TNR: variants seen among roughly 807,000 people sequenced by gnomAD.
TNR encodes the protein tenascin R.
In TNR, 45 loss-of-function variants were observed where a neutral mutation model predicts 150.4. The ratio of observed to expected loss-of-function variants is 0.30; its 90% CI spans 0.24 to 0.38. TNR has a LOEUF of 0.38. Among genes scored for constraint, TNR ranks in the 10% least tolerant of loss-of-function variants. The probability of loss-of-function intolerance (pLI) is 1.00; values close to 1 mark genes in which losing one functional copy is unlikely to be tolerated. For missense variants in TNR, 1,544 were observed against 1,759.1 expected, an observed-to-expected ratio of 0.88 and a Z score of 2.19; for synonymous variants, 687 against 678.4, an observed-to-expected ratio of 1.01 and a Z score of -0.20.
chr1:175,341,547 G>T (rs1423599918), intron 18 of TNR, among the ~76,000 whole-genome samples: 3 of 152,208 alleles, frequency 2.0e-5, no homozygotes, highest in African/African-American at 4.8e-5. Context: ...GTGGAGTGGA[G>T]CAAGCTACAT....
chr1:175,539,843 C>A (rs1047653033), intron 1 of TNR, among the ~76,000 whole-genome samples: 1 of 152,054 alleles, frequency 6.6e-6, no homozygotes, highest in Non-Finnish European at 1.5e-5. Context: ...GCATTTTAAA[C>A]CAAATCATAA....
chr1:175,743,115 A>C (rs2101964720), intron 1 of TNR, 111 bp downstream of exon 1: 1 of 152,328 alleles, frequency 6.6e-6, no homozygotes, highest in African/African-American at 2.4e-5. Flanking sequence ...CTAGTGCCAA[A>C]TGCCTTGCAG....
chr1:175,454,473 CATTT>C (rs757542632), intron 2 of TNR, among the ~76,000 whole-genome samples: 26 of 152,100 alleles, frequency 1.7e-4, no homozygotes, highest in Non-Finnish European at 3.2e-4. Flanking sequence ...TTTATTCATT[CATTT>C]ATTTATTTTT....
chr1:175,643,282 C>G (rs906561542), intron 1 of TNR, among the ~76,000 whole-genome samples: 1 of 152,194 alleles, frequency 6.6e-6, no homozygotes, highest in South Asian at 2.1e-4. Context: ...ACTTATGTGA[C>G]ATCTTATCAG....
chr1:175,393,694 G>C, intron 6 of TNR, 86 bp downstream of exon 6: 1 of 1,048,864 alleles, frequency 9.5e-7, no homozygotes, highest in Non-Finnish European at 1.5e-6. Context: ...ATATTGGGTA[G>C]CACTTTCCTT....
chr1:175,370,337 A>C (rs1948029), intron 9 of TNR, among the ~76,000 whole-genome samples: 3,210 of 67,590 alleles, frequency 0.047, 182 homozygotes, highest in African/African-American at 0.16. Flanking sequence ...GATTTTGAGT[A>C]CTTTTTTTTT....
At chr1:175,690,428 G>C (rs1666326231) in intron 1 of TNR, among the ~76,000 whole-genome samples, 1 of 152,228 alleles carries the variant, frequency 6.6e-6, no homozygotes, top group South Asian at 2.1e-4. Flanking sequence ...GACCAGGAAA[G>C]TCCTCTTGAG....
intron 1 of TNR, among the ~76,000 whole-genome samples, chr1:175,571,392 C>T (rs1275265293): frequency 6.6e-6 from 1 of 152,198 alleles, no homozygotes. Flanking sequence ...TTTATCCTCA[C>T]AACAACTCTA....
At chr1:175,590,435 C>T (rs35767760) in intron 1 of TNR, among the ~76,000 whole-genome samples, 46,963 of 152,072 alleles carry the variant, frequency 0.31, 7,708 homozygotes, top group Non-Finnish European at 0.36. Flanking sequence ...CACCAAGTGC[C>T]TCACTCACCT....
chr1:175,679,479 A>G (rs1411777811), intron 1 of TNR, among the ~76,000 whole-genome samples: 4 of 152,196 alleles, frequency 2.6e-5, no homozygotes, highest in Admixed American at 2.6e-4. Context: ...CAAAATACCT[A>G]CAGTTCAATT....
chr1:175,623,442 C>A (rs1664042729), intron 1 of TNR, among the ~76,000 whole-genome samples: 1 of 152,206 alleles, frequency 6.6e-6, no homozygotes. Context: ...CTCTGGGCAT[C>A]CCAATTTGTT....
intron 9 of TNR, among the ~76,000 whole-genome samples, chr1:175,378,833 T>G (rs859422): frequency 0.77 from 116,440 of 152,144 alleles, 44,652 homozygotes; most frequent in East Asian, 0.88. Context: ...GCAGTGGGAA[T>G]TCCCTGGAAT....
At chr1:175,587,411 T>C (rs1571643718) in intron 1 of TNR, among the ~76,000 whole-genome samples, 1 of 152,374 alleles carries the variant, frequency 6.6e-6, no homozygotes. Flanking sequence ...TTCAGTTTTC[T>C]CTTTTATAAA....
intron 19 of TNR, 27 bp from the exon 20 acceptor site, chr1:175,335,834 A>G: frequency 1.3e-6 from 2 of 1,591,756 alleles, no homozygotes; most frequent in Non-Finnish European, 1.7e-6. Context: ...AAAACAAAAA[A>G]CAAACAAACA....
chr1:175,621,267 C>A (rs1663966993), intron 1 of TNR, among the ~76,000 whole-genome samples: 1 of 152,204 alleles, frequency 6.6e-6, no homozygotes, highest in African/African-American at 2.4e-5. Flanking sequence ...AATTCTGCTG[C>A]CAGACTAATC....
intron 2 of TNR, among the ~76,000 whole-genome samples, chr1:175,483,698 G>C (rs925104847): frequency 2.6e-5 from 4 of 152,232 alleles, no homozygotes; most frequent in Admixed American, 2.6e-4. Context: ...TGAGTTATCA[G>C]GATGTCGGGC....
intron 1 of TNR, among the ~76,000 whole-genome samples, chr1:175,691,133 G>A (rs549193148): frequency 1.2e-4 from 18 of 144,492 alleles, no homozygotes; most frequent in African/African-American, 4.6e-4. Flanking sequence ...ACAGCATGCA[G>A]CTGAGAAGGG....
chr1:175,330,998 A>ATTCTTTCTTTCTTCTTTCT, intron 20 of TNR, among the ~76,000 whole-genome samples: 1 of 72,768 alleles, frequency 1.4e-5, no homozygotes, highest in African/African-American at 5.1e-5. Context: ...CCTCTTGGTG[A>ATTCTTTCTTTCTTCTTTCT]TTCTTTCTTT....
intron 1 of TNR, among the ~76,000 whole-genome samples, chr1:175,594,646 G>A (rs1662934647): frequency 2.0e-5 from 3 of 152,096 alleles, no homozygotes; most frequent in Non-Finnish European, 2.9e-5. Context: ...CTTGAGCCCA[G>A]GAGTTTGAGA....
Sources: allele counts gnomAD v4.1 joint callset (sites outside exome capture counted in the v4.1 genomes callset), GRCh38; gene constraint gnomAD v4.1.1; transcripts MANE v1.5; gene names NCBI Gene and HGNC (gene_info 2026-07-23, HGNC 2026-07-21).